MGAT4C: variants seen among roughly 807,000 people sequenced by gnomAD.
MGAT4C encodes the protein alpha-1,3-mannosyl-glycoprotein 4-beta-N-acetylglucosaminyltransferase C.
Under a neutral mutation model 40.1 loss-of-function variants are expected in MGAT4C, and 19 were observed. That is an observed-to-expected ratio of 0.47 (90% CI 0.33 to 0.70). The LOEUF (loss-of-function observed/expected upper bound fraction) is 0.70. Ranked by LOEUF, MGAT4C falls within the 30% of genes least tolerant of loss-of-function variation. MGAT4C has a pLI of 0.02. For missense variants in MGAT4C, 491 were observed against 563.2 expected (o/e 0.87, Z 1.30); for synonymous variants, 181 against 187.1 (o/e 0.97, Z 0.27).
intron 3 of MGAT4C, among the ~76,000 whole-genome samples, chr12:86,421,503 G>A (rs1317216411): frequency 6.6e-6 from 1 of 152,202 alleles, no homozygotes; most frequent in African/African-American, 2.4e-5. Flanking sequence ...CTGGCGCCAT[G>A]GCTCACGCCT....
At chr12:86,450,572 A>G (rs1957409209) in intron 2 of MGAT4C, among the ~76,000 whole-genome samples, 1 of 152,034 alleles carries the variant, frequency 6.6e-6, no homozygotes, top group African/African-American at 2.4e-5. Context: ...GTTAACATAT[A>G]TTTAACTATA....
chr12:86,434,871 T>C (rs905726837), intron 3 of MGAT4C, among the ~76,000 whole-genome samples: 4 of 151,840 alleles, frequency 2.6e-5, no homozygotes, highest in African/African-American at 9.7e-5. Flanking sequence ...GTCCAGAAGA[T>C]CTACAGTATA....
intron 2 of MGAT4C, among the ~76,000 whole-genome samples, chr12:86,570,355 A>T (rs1377700727): frequency 6.6e-6 from 1 of 152,140 alleles, no homozygotes; most frequent in African/African-American, 2.4e-5. Context: ...TATTTTAGAC[A>T]TTCAGAAAGG....
chr12:86,417,984 A>C (rs1171083676), intron 3 of MGAT4C, among the ~76,000 whole-genome samples: 1 of 152,178 alleles, frequency 6.6e-6, no homozygotes, highest in Non-Finnish European at 1.5e-5. Context: ...ACAACTAAGA[A>C]ATGGTGGAGA....
intron 1 of MGAT4C, among the ~76,000 whole-genome samples, chr12:86,754,295 T>C (rs1593175506): frequency 1.3e-5 from 2 of 152,172 alleles, no homozygotes; most frequent in East Asian, 1.9e-4. Flanking sequence ...AAACTGATCT[T>C]TAGACAAACA....
intron 1 of MGAT4C, among the ~76,000 whole-genome samples, chr12:86,254,371 C>T (rs1027738316): frequency 2.6e-5 from 4 of 151,998 alleles, no homozygotes; most frequent in Non-Finnish European, 5.9e-5. Flanking sequence ...GCATTTGTGA[C>T]TAGCAAGGCT....
At chr12:86,219,389 A>T (rs1950795776) in intron 1 of MGAT4C, among the ~76,000 whole-genome samples, 1 of 152,130 alleles carries the variant, frequency 6.6e-6, no homozygotes, top group African/African-American at 2.4e-5. Context: ...ATTGTTCATA[A>T]CCTATGTCTG....
intron 1 of MGAT4C, among the ~76,000 whole-genome samples, chr12:86,762,647 T>C (rs918136274): frequency 5.3e-5 from 8 of 152,196 alleles, no homozygotes; most frequent in African/African-American, 2.4e-5. Context: ...GAAAAACCCA[T>C]TGAATATTTT....
At chr12:86,491,252 T>C (rs923966409) in intron 2 of MGAT4C, among the ~76,000 whole-genome samples, 1 of 151,994 alleles carries the variant, frequency 6.6e-6, no homozygotes, top group African/African-American at 2.4e-5. Flanking sequence ...CTGAAACTAT[T>C]CCAATCAATA....
At position 86,288,275 on chromosome 12, in the gene MGAT4C, T is replaced by C. The variant is rs576171353; in HGVS notation, c.-57+45790A>G. On this transcript the variant is annotated intron_variant, in intron 4 of 7. Coordinates refer to the MGAT4C transcript ENST00000548651. ...TTTGTCAGATAAATAGATTGCAAAA[T>C]TTTTCTCCCATTCTGTAGGTTGCCT... Among the ~76,000 whole-genome samples the C allele has an allele frequency of 3.0e-4, 45 of 152,190 alleles. 1 individual carries two copies. Among genetic ancestry groups the C allele is most frequent in the African/African-American group, 7.5e-4 (31 of 41,546 alleles).
intron 1 of MGAT4C, among the ~76,000 whole-genome samples, chr12:86,757,863 C>T (rs1951333071): frequency 6.6e-6 from 1 of 152,098 alleles, no homozygotes. Context: ...ACCATAGCCT[C>T]ACCTCAATTT....
chr12:86,331,379 A>C lies in MGAT4C; in HGVS notation c.-57+2686T>G, dbSNP rs1273393865. Among the ~76,000 whole-genome samples the C allele has an allele frequency of 3.9e-5, 6 of 152,186 alleles. No homozygotes were observed. The East Asian group carries it at 1.2e-3, about 29-fold the overall frequency. On this transcript the variant is annotated intron_variant, in intron 4 of 7. Coordinates refer to the MGAT4C transcript ENST00000548651. ...TACAACTGTGGCATTTTTCCCTTAC[A>C]AGTCGAATGTTTAAACTCTACCATT... is the stretch of plus-strand genomic sequence containing the variant.
chr12:86,709,769 T>C (rs1315106425), intron 2 of MGAT4C, among the ~76,000 whole-genome samples: 2 of 152,136 alleles, frequency 1.3e-5, no homozygotes, highest in Admixed American at 1.3e-4. Flanking sequence ...TAAAGGGACC[T>C]TGAGAGTCTC....
chr12:86,156,514 T>C (rs1340477603), intron 1 of MGAT4C, among the ~76,000 whole-genome samples: 1 of 151,974 alleles, frequency 6.6e-6, no homozygotes, highest in African/African-American at 2.4e-5. Context: ...AGAGATGGGG[T>C]TTCTCTGTGT....
At chr12:86,497,418 T>TA (rs1958256854) in intron 2 of MGAT4C, among the ~76,000 whole-genome samples, 1 of 151,952 alleles carries the variant, frequency 6.6e-6, no homozygotes, top group Non-Finnish European at 1.5e-5. Context: ...ATAATAATGT[T>TA]AAAAACAAGG....
intron 4 of MGAT4C, among the ~76,000 whole-genome samples, chr12:86,317,832 C>T (rs559307034): frequency 4.6e-5 from 7 of 151,298 alleles, no homozygotes; most frequent in Middle Eastern, 3.4e-3. Flanking sequence ...TATGGTCTAA[C>T]GTGCCTTTAG....
intron 1 of MGAT4C, among the ~76,000 whole-genome samples, chr12:86,196,274 G>C (rs1199236777): frequency 6.6e-6 from 1 of 152,180 alleles, no homozygotes. Flanking sequence ...TGCCTAACAA[G>C]GCAAATTTCC....
At chr12:86,597,726 T>A (rs191990512) in intron 2 of MGAT4C, among the ~76,000 whole-genome samples, 35 of 152,250 alleles carry the variant, frequency 2.3e-4, no homozygotes, top group Non-Finnish European at 1.5e-5. Context: ...AGTCTCTATA[T>A]CCTGATGATT....
At chr12:86,629,316 A>G (rs779756278) in intron 2 of MGAT4C, among the ~76,000 whole-genome samples, 1 of 152,078 alleles carries the variant, frequency 6.6e-6, no homozygotes, top group Non-Finnish European at 1.5e-5. Context: ...AGAATTTAAC[A>G]CCCCACTGTA....
Sources: gnomAD v4.1 joint callset for allele counts (sites outside exome capture counted in the v4.1 genomes callset) on GRCh38, gnomAD v4.1.1 for gene constraint, MANE v1.5 for transcripts, NCBI Gene and HGNC (gene_info 2026-07-23, HGNC 2026-07-21) for gene names.